SNAP91: variants seen among roughly 807,000 people sequenced by gnomAD.
The protein encoded by SNAP91 is synaptosome associated protein 91.
In SNAP91, 27 loss-of-function variants were observed where a neutral mutation model predicts 100.3. That is an observed-to-expected ratio of 0.27 (90% CI 0.20 to 0.37). The LOEUF is 0.37. SNAP91 is among the 10% of genes least tolerant of loss of function. The pLI is 1.00. For missense variants in SNAP91, 986 were observed against 1,123.7 expected, an observed-to-expected ratio of 0.88 and a Z score of 1.75; for synonymous variants, 404 against 398.6, an observed-to-expected ratio of 1.01 and a Z score of -0.16.
At position 83,617,015 on chromosome 6, in the gene SNAP91, G is replaced by C; in HGVS notation, c.832C>G (p.Leu278Val). Residue 278 changes from leucine to valine, a missense_variant, in exon 10 of 30, where the codon CTT becomes GTT. By Grantham distance (32) the Leu-to-Val change is conservative. Around this residue, in one of 4 missense-constraint regions of SNAP91, gnomAD observed 330 missense variants for 447.5 expected, o/e 0.74. Transcript: ENST00000369694. ...TQAPSSLMET[L>V]EQHLNTLEGK... ...TCTAATGTATTTAGATGCTGTTCAA[G>C]CGTCTCCATAAGACTGCTGGGAGCC... 6.5e-7 allele frequency: 1 copy of C among 1,547,838 alleles called. No individual in the cohort carries two copies. The highest frequency in any genetic ancestry group is 8.7e-7 in the Non-Finnish European group (1 of 1,144,918).
intron 7 of SNAP91, among the ~76,000 whole-genome samples, chr6:83,645,970 G>A (rs779018145): frequency 6.6e-6 from 1 of 152,098 alleles, no homozygotes; most frequent in Non-Finnish European, 1.5e-5. Flanking sequence ...ATTCCTTCAC[G>A]CCTTTTCATG....
intron 26 of SNAP91, among the ~76,000 whole-genome samples, chr6:83,561,828 G>T (rs1562098865): frequency 6.6e-6 from 1 of 152,092 alleles, no homozygotes; most frequent in Non-Finnish European, 1.5e-5. Flanking sequence ...AGCGGTATGG[G>T]CAACATAGCA....
In SNAP91 at chr6:83,577,466, G is replaced by GA. The variant is rs1376045821; in HGVS notation, c.2300-1414dup. 2.6e-5 allele frequency among the ~76,000 whole-genome samples: 4 copies of GA among 152,184 alleles called. No homozygotes were observed. The East Asian group carries it at 7.7e-4, about 29-fold the overall frequency. On this transcript the variant is annotated intron_variant, in intron 24 of 29. Transcript: ENST00000369694. ...ACCAAGTATTTATGCCTGTTCATGTGAAAAAGCAAAAGAAAGCAGAAGTGT... is the reference window on the plus strand; with the variant it reads ...ACCAAGTATTTATGCCTGTTCATGTGAAAAAAGCAAAAGAAAGCAGAAGTGT...
intron 26 of SNAP91, among the ~76,000 whole-genome samples, chr6:83,573,373 T>G (rs1252383886): frequency 6.6e-6 from 1 of 152,208 alleles, no homozygotes; most frequent in African/African-American, 2.4e-5. Flanking sequence ...ATGGTCATAC[T>G]GCCCAAGGTA....
chr6:83,600,088 G>T (rs1214608468), intron 16 of SNAP91, among the ~76,000 whole-genome samples: 1 of 152,178 alleles, frequency 6.6e-6, no homozygotes, highest in Non-Finnish European at 1.5e-5. Context: ...CAGACCATGG[G>T]TGACTCTTTA....
chr6:83,693,421 G>A (rs912047370), intron 2 of SNAP91, among the ~76,000 whole-genome samples: 10 of 152,092 alleles, frequency 6.6e-5, no homozygotes, highest in Non-Finnish European at 1.3e-4. Context: ...ATGAGAGACT[G>A]CTAATGTATC....
chr6:83,688,150 C>A (rs1422090867), intron 2 of SNAP91, among the ~76,000 whole-genome samples: 1 of 152,170 alleles, frequency 6.6e-6, no homozygotes, highest in African/African-American at 2.4e-5. Flanking sequence ...AATTTCCTTT[C>A]AAATCTAGTC....
rs1160393252 is a variant in SNAP91, at chr6:83,556,262, A to G, written c.2632-17T>C. 11 of 1,358,184 alleles carry G rather than the reference A, an allele frequency of 8.1e-6. No individual in the cohort carries two copies. The highest frequency in any genetic ancestry group is 1.3e-5 in the South Asian group (1 of 79,920). The allele number at this position is 1,358,184 out of a possible 1,614,324, so 84.1% of individuals were successfully genotyped here. On this transcript the variant is annotated splice_polypyrimidine_tract_variant and intron_variant, in intron 28 of 29. Coordinates refer to ENST00000369694, the MANE Select transcript of SNAP91 (RefSeq NM_001242792.2). ...TGGAGAAAGCTAATGGGAAAAAGCC[A>G]GCCCCAAAGAGCAGGAATAGAAAGC... is the stretch of plus-strand genomic sequence containing the variant.
At chr6:83,652,982 C>G (rs2098267931) in intron 7 of SNAP91, among the ~76,000 whole-genome samples, 1 of 152,160 alleles carries the variant, frequency 6.6e-6, no homozygotes, top group Non-Finnish European at 1.5e-5. Context: ...CCTCCACAGA[C>G]AAGGTGTTTT....
chr6:83,697,181 A>T (rs545427761), intron 2 of SNAP91, among the ~76,000 whole-genome samples: 17 of 152,262 alleles, frequency 1.1e-4, no homozygotes, highest in African/African-American at 3.6e-4. Flanking sequence ...ATTTCAGTGA[A>T]TATTGAAAGT....
chr6:83,705,606 A>G (rs1588346206), intron 2 of SNAP91, among the ~76,000 whole-genome samples: 1 of 152,220 alleles, frequency 6.6e-6, no homozygotes, highest in African/African-American at 2.4e-5. Context: ...GGAGTTCAAG[A>G]CCAGCCTGGC....
intron 2 of SNAP91, among the ~76,000 whole-genome samples, chr6:83,680,903 G>A (rs2098979893): frequency 6.6e-6 from 1 of 152,112 alleles, no homozygotes. Flanking sequence ...GCTGCAGTAG[G>A]ACCCCGGGGA....
intron 8 of SNAP91, among the ~76,000 whole-genome samples, chr6:83,633,905 A>G (rs1253496000): frequency 3.4e-5 from 5 of 149,126 alleles, no homozygotes; most frequent in African/African-American, 1.2e-4. Context: ...AGGCTTCTCA[A>G]TCAGCATGGA....
intron 16 of SNAP91, among the ~76,000 whole-genome samples, chr6:83,596,629 G>A (rs1013169639): frequency 9.9e-5 from 15 of 150,982 alleles, no homozygotes; most frequent in African/African-American, 3.2e-4. Flanking sequence ...AAGCGTGTGT[G>A]TTCTCATCAC....
rs184173235 is a variant in SNAP91, at chr6:83,690,996, A to G, written c.130+16802T>C. ...GCTACTGATGAAGTTTAACTCAAAA[A>G]TGGTACCTCTAAGTCAAGGTAGACA... On this transcript the variant is annotated intron_variant, in intron 2 of 29. Transcript: ENST00000369694. Among the ~76,000 whole-genome samples, 781 of 152,188 alleles carry G rather than the reference A, an allele frequency of 5.1e-3. 4 individuals carry two copies. The highest frequency in any genetic ancestry group is 0.024 in the Middle Eastern group (7 of 294).
At position 83,593,225 on chromosome 6, in the gene SNAP91, C is replaced by T. The variant is rs562452559; in HGVS notation, c.1731G>A (p.Ala577=). 3.4e-5 allele frequency: 55 copies of T among 1,595,990 alleles called. No homozygotes were observed. The highest frequency in any genetic ancestry group is 1.1e-4 in the East Asian group (5 of 44,364). The change falls in exon 19 of 30, where the codon GCG becomes GCA. Residue 577 remains alanine (A), a synonymous_variant. Transcript: ENST00000369694. The stretch of plus-strand genomic sequence containing the variant: ...TGCTAGGAGCAGCATCTGGCTTAGG[C>T]GCTGCAGCAACTTCAGGAGTGGACT... ...LFESTPEVAA[A]PKPDAAPSID... is the part of the protein sequence containing the mutation.
intron 10 of SNAP91, 103 bp from the exon 11 acceptor site, chr6:83,614,965 TG>T: frequency 1.0e-6 from 1 of 955,202 alleles, no homozygotes; most frequent in Non-Finnish European, 1.6e-6. Flanking sequence ...CAAGTTCAAA[TG>T]TGGTTTTAGC....
At position 83,587,506 on chromosome 6, in the gene SNAP91, A is replaced by T. The variant is rs3798872; in HGVS notation, c.2014+3705T>A. Among the ~76,000 whole-genome samples, 849 of 151,110 alleles carry T rather than the reference A, an allele frequency of 5.6e-3. 10 individuals are homozygous for T. Among genetic ancestry groups the T allele is most frequent in the East Asian group, 0.042 (218 of 5,134 alleles). On this transcript the variant is annotated intron_variant, in intron 22 of 29. Coordinates refer to ENST00000369694, the MANE Select transcript of SNAP91 (RefSeq NM_001242792.2). Reference sequence around the variant, plus strand: ...TAGGCTCATTTATTTATTTTTTTTTAAAAATCTTCTTAGTTTCAATAGACT... The same window carrying T: ...TAGGCTCATTTATTTATTTTTTTTTTAAAATCTTCTTAGTTTCAATAGACT...
Position 83,677,077 on chromosome 6 carries a change from G to A in SNAP91, c.131-11496C>T, listed in dbSNP as rs553527112. ...GAAAGAAAAACACTGTAGGTGAGCC[G>A]TGCTTGTATCTAGTTCATGTTTCTC... On this transcript the variant is annotated intron_variant, in intron 2 of 29. Transcript: ENST00000369694. 1.3e-3 allele frequency among the ~76,000 whole-genome samples: 196 copies of A among 152,242 alleles called. 1 individual carries two copies. The highest frequency in any genetic ancestry group is 4.5e-3 in the African/African-American group (188 of 41,542).
Sources: gnomAD v4.1 joint callset for allele counts (sites outside exome capture counted in the v4.1 genomes callset) on GRCh38, gnomAD v4.1.1 for gene constraint, gnomAD v4.1.1 regional missense constraint, MANE v1.5 for transcripts, NCBI Gene and HGNC (gene_info 2026-07-23, HGNC 2026-07-21) for gene names.